Variants in DENND11 observed in about 807,000 individuals in gnomAD.
DENND11 encodes the protein DENN domain-containing protein 11.
A neutral mutation model predicts 49.2 loss-of-function variants in DENND11; 34 were observed. The ratio of observed to expected loss-of-function variants is 0.69; its 90% CI spans 0.53 to 0.92. DENND11 has a LOEUF of 0.92. Among genes scored for constraint, DENND11 ranks in the 40% least tolerant of loss-of-function variants. The probability of loss-of-function intolerance (pLI) is 0.00; values close to 1 mark genes in which losing one functional copy is unlikely to be tolerated. For missense variants in DENND11, 475 were observed against 581.6 expected, an observed-to-expected ratio of 0.82 and a Z score of 1.88; for synonymous variants, 238 against 230.3, an observed-to-expected ratio of 1.03 and a Z score of -0.30.
intron 3 of DENND11, among the ~76,000 whole-genome samples, chr7:141,675,179 C>G (rs1798045452): frequency 6.6e-6 from 1 of 152,132 alleles, no homozygotes; most frequent in South Asian, 2.1e-4. Flanking sequence ...CAGCAAACAG[C>G]AGGTGAACGT....
In DENND11 at chr7:141,701,918, GCCA is replaced by G; in HGVS notation, c.233_235del (p.Val78del). 8.2e-7 allele frequency: 1 copy of G among 1,213,136 alleles called. No individual in the cohort carries two copies. Among genetic ancestry groups the G allele is most frequent in the Non-Finnish European group, 1.0e-6 (1 of 975,678 alleles). The allele number at this position is 1,213,136 out of a possible 1,614,324, so 75.1% of individuals were successfully genotyped here. A position where few individuals can be genotyped will look rare whatever the true frequency, so the allele number is the denominator to read the frequency against. On this transcript the variant is annotated inframe_deletion, in exon 1 of 9. Coordinates refer to ENST00000536163, the MANE Select transcript of DENND11 (RefSeq NM_001080392.2). ...GGGGTCGAAGGTGACCACGAACACG[GCCA>G]CCACCTGGTCCTCCTCCACGTCGCC...
Position 141,666,306 on chromosome 7 carries a change from C to A in DENND11, c.801G>T (p.Val267=). The A allele has an allele frequency of 6.2e-7, 1 of 1,612,666 alleles. No homozygotes were observed. Among genetic ancestry groups the A allele is most frequent in the Non-Finnish European group, 8.5e-7 (1 of 1,179,166 alleles). The change falls in exon 5 of 9, where the codon GTG becomes GTT. Residue 267 remains valine, a synonymous_variant. Coordinates refer to ENST00000536163, the MANE Select transcript of DENND11 (RefSeq NM_001080392.2). ...GGTTACCTCTATAGCACACCACGCC[C>A]ACAGGTGGGGGAGAAAATATCAAAA... is the stretch of plus-strand genomic sequence containing the variant. The part of the protein sequence containing the change: ...KRILIFSPPP[V]GVVCYRVYCC...
chr7:141,689,334 C>T (rs775767937), intron 1 of DENND11, among the ~76,000 whole-genome samples: 3 of 152,158 alleles, frequency 2.0e-5, no homozygotes, highest in Non-Finnish European at 4.4e-5. Flanking sequence ...CCATTATCCT[C>T]AGCAAACTAA....
intron 8 of DENND11, chr7:141,663,817 G>C (rs1354188016): frequency 4.2e-6 from 1 of 237,872 alleles, no homozygotes; most frequent in African/African-American, 2.2e-5. Context: ...ATAATATTCA[G>C]CGCAAGGAAC....
At chr7:141,672,043 T>A (rs1031590118) in intron 4 of DENND11, among the ~76,000 whole-genome samples, 1 of 152,212 alleles carries the variant, frequency 6.6e-6, no homozygotes, top group African/African-American at 2.4e-5. Context: ...CACCTATGAC[T>A]CCAGCCTCCA....
At position 141,686,650 on chromosome 7, in the gene DENND11, C is replaced by T. The variant is rs1235369258; in HGVS notation, c.277G>A (p.Val93Ile). The change falls in exon 2 of 9, where the codon GTA (valine) becomes ATA (isoleucine). Residue 93 changes from valine (V) to isoleucine (I), a missense_variant. Transcript: ENST00000536163. ...ATATCTTGAGGTAAGCACCATTCTACCATGTTTCCTGCAGGAAAAGGAAGA... is the reference window on the plus strand; with the variant it reads ...ATATCTTGAGGTAAGCACCATTCTATCATGTTTCCTGCAGGAAAAGGAAGA... ...VTFDPRSGNM[V>I]EWCLPQDIDL... The T allele has an allele frequency of 3.7e-6, 6 of 1,610,444 alleles. No individual in the cohort carries two copies. The African/African-American group carries it at 8.0e-5, about 22-fold the overall frequency.
intron 5 of DENND11, among the ~76,000 whole-genome samples, 183 bp from the exon 6 acceptor site, chr7:141,665,501 T>C (rs540566907): frequency 3.4e-4 from 51 of 152,186 alleles, no homozygotes; most frequent in Non-Finnish European, 4.6e-4. Context: ...AACTGACCCC[T>C]CAAGGTGACG....
chr7:141,694,952 C>T (rs933435851), intron 1 of DENND11, among the ~76,000 whole-genome samples: 1 of 152,212 alleles, frequency 6.6e-6, no homozygotes, highest in Non-Finnish European at 1.5e-5. Flanking sequence ...AATTCACAGG[C>T]TCAATCCTTT....
rs1184552637 is a variant in DENND11, at chr7:141,658,014, A to G, written c.*4642T>C. 3 of 152,342 alleles carry G rather than the reference A, an allele frequency of 2.0e-5. No homozygotes were observed. Among genetic ancestry groups the G allele is most frequent in the Non-Finnish European group, 4.4e-5 (3 of 68,026 alleles). 9.4% of individuals were successfully genotyped at this position (152,342 alleles called of 1,614,324 possible). A position where few individuals can be genotyped will look rare whatever the true frequency, so the allele number is the denominator to read the frequency against. ...CCTAGGACTGTCAAGTCTGCCTCCT[A>G]AAGAGCGCTGTCAGGATTTCATAGC... On this transcript the variant is annotated 3_prime_UTR_variant, in exon 9 of 9. Transcript: ENST00000536163.
intron 4 of DENND11, among the ~76,000 whole-genome samples, chr7:141,669,878 C>T (rs1428558654): frequency 1.5e-5 from 2 of 137,538 alleles, no homozygotes; most frequent in East Asian, 2.1e-4. Flanking sequence ...GGCGCAATCT[C>T]GGCTCACTGC....
At chr7:141,681,101 G>A (rs893048391) in intron 3 of DENND11, among the ~76,000 whole-genome samples, 16 of 152,182 alleles carry the variant, frequency 1.1e-4, no homozygotes, top group Non-Finnish European at 2.1e-4. Context: ...TGTTACACTT[G>A]TAGCAAAACA....
chr7:141,674,230 A>AACACACACACACAC lies in DENND11; in HGVS notation c.528-24_528-11dup. 1.7e-5 allele frequency: 26 copies of AACACACACACACAC among 1,494,678 alleles called. No homozygotes were observed. The African/African-American group carries it at 2.5e-4, about 14-fold the overall frequency. 92.6% of individuals were successfully genotyped at this position (1,494,678 alleles called of 1,614,324 possible). On this transcript the variant is annotated splice_polypyrimidine_tract_variant and intron_variant, in intron 3 of 8. Coordinates refer to ENST00000536163, the MANE Select transcript of DENND11 (RefSeq NM_001080392.2). ...CATCTCCAACTGGTGCCTGCAGAAA[A>AACACACACACACAC]ACACACACACACACACACACACACA... is the stretch of plus-strand genomic sequence containing the variant.
At chr7:141,670,986 C>T (rs1418424189) in intron 4 of DENND11, among the ~76,000 whole-genome samples, 1 of 152,178 alleles carries the variant, frequency 6.6e-6, no homozygotes, top group East Asian at 1.9e-4. Flanking sequence ...GAGTTTTCTG[C>T]ACGTTGCTAT....
At chr7:141,676,626 T>C (rs928692885) in intron 3 of DENND11, among the ~76,000 whole-genome samples, 3 of 152,202 alleles carry the variant, frequency 2.0e-5, no homozygotes, top group African/African-American at 7.2e-5. Flanking sequence ...GTTAAGCAAC[T>C]GCTGTATGAA....
At chr7:141,665,500 C>T (rs1023700420) in intron 5 of DENND11, among the ~76,000 whole-genome samples, 182 bp from the exon 6 acceptor site, 4 of 152,170 alleles carry the variant, frequency 2.6e-5, no homozygotes, top group Non-Finnish European at 5.9e-5. Context: ...AAACTGACCC[C>T]TCAAGGTGAC....
intron 4 of DENND11, among the ~76,000 whole-genome samples, chr7:141,671,848 C>T (rs1339894879): frequency 6.6e-6 from 1 of 152,212 alleles, no homozygotes; most frequent in Non-Finnish European, 1.5e-5. Context: ...CTAACGATTT[C>T]TTAATGATTG....
chr7:141,677,489 G>A (rs1371283712), intron 3 of DENND11, among the ~76,000 whole-genome samples: 2 of 129,484 alleles, frequency 1.5e-5, no homozygotes, highest in Non-Finnish European at 3.2e-5. Flanking sequence ...ATATTTATAT[G>A]TGTGTGTGTG....
chr7:141,677,384 T>C (rs1353399460), intron 3 of DENND11, among the ~76,000 whole-genome samples: 2 of 126,302 alleles, frequency 1.6e-5, no homozygotes, highest in Non-Finnish European at 3.3e-5. Flanking sequence ...AGCGAGACTC[T>C]TGTCTCAAAA....
At chr7:141,690,399 C>T (rs926827741) in intron 1 of DENND11, among the ~76,000 whole-genome samples, 40 of 152,304 alleles carry the variant, frequency 2.6e-4, no homozygotes, top group East Asian at 1.9e-4. Context: ...TTTCCTCCTC[C>T]TCCTCCTCTT....
Sources: allele counts gnomAD v4.1 joint callset (sites outside exome capture counted in the v4.1 genomes callset), GRCh38; gene constraint gnomAD v4.1.1; transcripts MANE v1.5; gene names NCBI Gene and HGNC (gene_info 2026-07-23, HGNC 2026-07-21).